Variants in SHROOM3 observed in about 807,000 individuals in gnomAD.
SHROOM3 encodes protein Shroom3.
Under a neutral mutation model 138.6 loss-of-function variants are expected in SHROOM3, and 47 were observed. That is an observed-to-expected ratio of 0.34 (90% CI 0.27 to 0.43). SHROOM3 has a LOEUF of 0.43. Ranked by LOEUF, SHROOM3 falls within the 20% of genes least tolerant of loss-of-function variation. The pLI is 1.00. For synonymous variants in SHROOM3, 1,062 were observed against 1,063.3 expected, an observed-to-expected ratio of 1.00 and a Z score of 0.02; for missense variants, 2,491 against 2,596.5, an observed-to-expected ratio of 0.96 and a Z score of 0.88.
chr4:76,596,931 G>A (rs1465118328), intron 2 of SHROOM3, among the ~76,000 whole-genome samples: 1 of 152,030 alleles, frequency 6.6e-6, no homozygotes, highest in Non-Finnish European at 1.5e-5. Flanking sequence ...TCTCAGCCTT[G>A]CCCCAGCACC....
intron 2 of SHROOM3, among the ~76,000 whole-genome samples, chr4:76,701,977 T>A (rs968257928): frequency 2.6e-5 from 4 of 152,214 alleles, no homozygotes; most frequent in Non-Finnish European, 5.9e-5. Context: ...AAACATTAAT[T>A]GTAAACAATT....
chr4:76,693,383 T>TG (rs1257313085), intron 2 of SHROOM3, among the ~76,000 whole-genome samples: 8 of 141,346 alleles, frequency 5.7e-5, no homozygotes, highest in Admixed American at 2.8e-4. Flanking sequence ...TTTTTTTTTT[T>TG]TTTTTTTTTT....
chr4:76,654,021 T>C (rs979735731), intron 2 of SHROOM3, among the ~76,000 whole-genome samples: 2 of 152,084 alleles, frequency 1.3e-5, no homozygotes, highest in African/African-American at 2.4e-5. Flanking sequence ...ATCAATGTGG[T>C]AAATGTAACA....
chr4:76,772,208 A>G (rs891646618), intron 10 of SHROOM3, among the ~76,000 whole-genome samples: 9 of 146,324 alleles, frequency 6.2e-5, no homozygotes, highest in Non-Finnish European at 1.2e-4. Context: ...TATTCATGCC[A>G]TTCTCATGCC....
At chr4:76,684,523 A>C (rs1422236389) in intron 2 of SHROOM3, among the ~76,000 whole-genome samples, 3 of 152,124 alleles carry the variant, frequency 2.0e-5, no homozygotes, top group Non-Finnish European at 4.4e-5. Context: ...ATAGTGAATA[A>C]CTCTCATCTA....
At chr4:76,468,813 A>C (rs1280543320) in intron 1 of SHROOM3, among the ~76,000 whole-genome samples, 1 of 151,874 alleles carries the variant, frequency 6.6e-6, no homozygotes, top group South Asian at 2.1e-4. Flanking sequence ...GTGGATCACC[A>C]GAGGTCAGGA....
rs752914305 is a variant in SHROOM3, at chr4:76,739,796, A to G, written c.1623A>G (p.Pro541=). ...CQPLEHDLLS[P]VEKKPEATAK... is the part of the protein sequence containing the mutation. ...CCTTAGAACATGACTTGCTGTCCCC[A>G]GTGGAGAAGAAACCAGAAGCTACAG... The change falls in exon 5 of 11, where the codon CCA becomes CCG. Residue 541 remains proline, a synonymous_variant. Coordinates refer to ENST00000296043, the MANE Select transcript of SHROOM3 (RefSeq NM_020859.4). 2.5e-6 allele frequency: 4 copies of G among 1,614,092 alleles called. No homozygotes were observed. The Admixed American group carries it at 5.0e-5, about 20-fold the overall frequency.
intron 2 of SHROOM3, among the ~76,000 whole-genome samples, chr4:76,627,663 CTTT>C (rs35935280): frequency 7.1e-6 from 1 of 141,800 alleles, no homozygotes. Context: ...TTGCAAAAGT[CTTT>C]TTTTTTTTTT....
rs760053521 is a variant in SHROOM3 at position 76,754,544 on chromosome 4, T to A, written c.4061T>A (p.Ile1354Asn). ...TDTRAAPLTP[I>N]GTPLPSAIPS... ...ACCAGGGCTGCACCCCTGACCCCAATTGGCACCCCTCTGCCTTCAGCCATT... is the reference window on the plus strand; with the variant it reads ...ACCAGGGCTGCACCCCTGACCCCAAATGGCACCCCTCTGCCTTCAGCCATT... Residue 1354 changes from isoleucine to asparagine, a missense_variant, in exon 7 of 11, where the codon ATT becomes AAT. Physicochemically the swap from Ile to Asn is moderately radical, Grantham distance 149 (BLOSUM62 -3). Coordinates refer to ENST00000296043, the MANE Select transcript of SHROOM3 (RefSeq NM_020859.4). 1.9e-6 allele frequency: 3 copies of A among 1,613,482 alleles called. No homozygotes were observed. Among genetic ancestry groups the A allele is most frequent in the Admixed American group, 1.7e-5 (1 of 59,976 alleles).
intron 3 of SHROOM3, among the ~76,000 whole-genome samples, chr4:76,714,425 G>A (rs1042189876): frequency 7.2e-5 from 11 of 152,178 alleles, no homozygotes; most frequent in African/African-American, 2.7e-4. Context: ...ACATTGAGGT[G>A]ATGGCTTTTG....
chr4:76,566,720 A>G (rs1459991612), intron 2 of SHROOM3, among the ~76,000 whole-genome samples: 1 of 152,242 alleles, frequency 6.6e-6, no homozygotes, highest in African/African-American at 2.4e-5. Flanking sequence ...CTTAGACTTC[A>G]TTAGGCAAAG....
intron 2 of SHROOM3, among the ~76,000 whole-genome samples, chr4:76,595,763 A>G (rs1183747575): frequency 6.6e-6 from 1 of 152,202 alleles, no homozygotes; most frequent in Non-Finnish European, 1.5e-5. Context: ...TGATCCTGCA[A>G]TGGAATCAAA....
At chr4:76,606,917 CA>C (rs1219070843) in intron 2 of SHROOM3, among the ~76,000 whole-genome samples, 5 of 152,090 alleles carry the variant, frequency 3.3e-5, no homozygotes, top group African/African-American at 1.2e-4. Flanking sequence ...CTGACTCTGA[CA>C]ATTTCCATAT....
chr4:76,674,570 T>TG (rs1718977526), intron 2 of SHROOM3, among the ~76,000 whole-genome samples: 1 of 144,182 alleles, frequency 6.9e-6, no homozygotes, highest in Admixed American at 6.9e-5. Context: ...TTTTTTTTTT[T>TG]TTTTTTGTTT....
intron 1 of SHROOM3, among the ~76,000 whole-genome samples, chr4:76,510,660 A>T (rs1179051383): frequency 1.3e-5 from 2 of 152,102 alleles, no homozygotes; most frequent in Admixed American, 1.3e-4. Flanking sequence ...ACTGAATGAG[A>T]CACCTATGGA....
intron 2 of SHROOM3, among the ~76,000 whole-genome samples, chr4:76,671,360 C>T (rs1444009707): frequency 6.6e-6 from 1 of 152,214 alleles, no homozygotes; most frequent in African/African-American, 2.4e-5. Flanking sequence ...CTTCCAATGG[C>T]TTCCAGTTGC....
At chr4:76,679,774 T>G (rs1260112683) in intron 2 of SHROOM3, among the ~76,000 whole-genome samples, 2 of 151,992 alleles carry the variant, frequency 1.3e-5, no homozygotes, top group African/African-American at 4.8e-5. Flanking sequence ...CTCCCCACAC[T>G]CCCCAGGCAC....
intron 8 of SHROOM3, among the ~76,000 whole-genome samples, chr4:76,759,011 G>A (rs1721906586): frequency 6.6e-6 from 1 of 152,130 alleles, no homozygotes; most frequent in African/African-American, 2.4e-5. Flanking sequence ...CCAGCAAACT[G>A]CAGATTTCCC....
At chr4:76,520,885 C>T (rs922466826) in intron 1 of SHROOM3, among the ~76,000 whole-genome samples, 3 of 152,210 alleles carry the variant, frequency 2.0e-5, no homozygotes, top group Non-Finnish European at 4.4e-5. Flanking sequence ...TCAGATCAAT[C>T]ACCACAGCTT....
Sources: gnomAD v4.1 joint callset for allele counts (sites outside exome capture counted in the v4.1 genomes callset) on GRCh38, gnomAD v4.1.1 for gene constraint, MANE v1.5 for transcripts, NCBI Gene and HGNC (gene_info 2026-07-23, HGNC 2026-07-21) for gene names.